The following CHRM3 variants were observed in gnomAD, a reference collection of about 807,000 sequenced individuals.
CHRM3 encodes the protein cholinergic receptor muscarinic 3.
CHRM3 carries 11 observed loss-of-function variants against 41.8 expected under a neutral mutation model. The observed-to-expected ratio is 0.26, with a 90% CI of 0.17 to 0.44. The LOEUF (loss-of-function observed/expected upper bound fraction) is 0.44, where lower values mean the gene tolerates loss of function less well. CHRM3 is among the 20% of genes least tolerant of loss of function. The pLI is 1.00. For synonymous variants in CHRM3, 297 were observed against 301.4 expected (o/e 0.99, Z 0.15); for missense variants, 571 against 745.4 (o/e 0.77, Z 2.72).
intron 1 of CHRM3, among the ~76,000 whole-genome samples, chr1:239,396,085 C>G (rs1042133772): frequency 2.0e-5 from 3 of 152,140 alleles, no homozygotes; most frequent in African/African-American, 7.2e-5. Flanking sequence ...TGTGCCACAT[C>G]ATCAGGGATC....
At chr1:239,887,288 A>C (rs1678154328) in intron 6 of CHRM3, among the ~76,000 whole-genome samples, 1 of 151,562 alleles carries the variant, frequency 6.6e-6, no homozygotes, top group Non-Finnish European at 1.5e-5. Context: ...TGCAACCTCC[A>C]CCTCCTGGGT....
At chr1:239,694,864 A>G (rs957675818) in intron 5 of CHRM3, among the ~76,000 whole-genome samples, 2 of 152,156 alleles carry the variant, frequency 1.3e-5, no homozygotes, top group Admixed American at 6.5e-5. Flanking sequence ...TACAGGCTAC[A>G]CTTTTATTTT....
intron 3 of CHRM3, among the ~76,000 whole-genome samples, chr1:239,572,269 AC>A (rs1661898184): frequency 6.6e-6 from 1 of 152,164 alleles, no homozygotes; most frequent in South Asian, 2.1e-4. Context: ...GAATCCTTGG[AC>A]CCCGTTGATA....
intron 5 of CHRM3, chr1:239,703,707 A>G (rs1660889918): frequency 6.6e-6 from 1 of 152,198 alleles, no homozygotes; most frequent in African/African-American, 2.4e-5. Context: ...TCTATTCAGA[A>G]TTGTTTACCT....
intron 6 of CHRM3, among the ~76,000 whole-genome samples, chr1:239,878,487 C>T (rs977590702): frequency 3.3e-5 from 5 of 152,084 alleles, no homozygotes; most frequent in Non-Finnish European, 7.4e-5. Flanking sequence ...GGCCCATACT[C>T]ATCTCCTAGT....
chr1:239,729,836 A>T (rs1221083443), intron 5 of CHRM3, among the ~76,000 whole-genome samples: 2 of 152,008 alleles, frequency 1.3e-5, no homozygotes, highest in African/African-American at 4.8e-5. Context: ...ATGGTTTTAG[A>T]TTCCACCTTG....
At chr1:239,513,417 G>C (rs1669055117) in intron 2 of CHRM3, among the ~76,000 whole-genome samples, 1 of 152,132 alleles carries the variant, frequency 6.6e-6, no homozygotes, top group South Asian at 2.1e-4. Flanking sequence ...CTTGCCATCT[G>C]TGTGTCTTCT....
intron 3 of CHRM3, chr1:239,606,127 A>G (rs1219354068): frequency 1.3e-5 from 2 of 152,230 alleles, no homozygotes; most frequent in African/African-American, 4.8e-5. Flanking sequence ...TTTGCAAAAA[A>G]TGTAAATCAT....
chr1:239,484,197 A>G (rs1386339351), intron 1 of CHRM3, among the ~76,000 whole-genome samples: 2 of 152,220 alleles, frequency 1.3e-5, no homozygotes, highest in Non-Finnish European at 2.9e-5. Context: ...TGGCACCACC[A>G]TCTGCTCAGC....
chr1:239,841,678 C>T (rs1158083816), intron 6 of CHRM3, among the ~76,000 whole-genome samples: 2 of 152,186 alleles, frequency 1.3e-5, no homozygotes, highest in Non-Finnish European at 2.9e-5. Flanking sequence ...AGACTTACCT[C>T]ATTTCCCACC....
intron 1 of CHRM3, among the ~76,000 whole-genome samples, chr1:239,473,782 C>CAGT (rs1479416425): frequency 2.6e-5 from 4 of 151,558 alleles, no homozygotes; most frequent in African/African-American, 4.8e-5. Context: ...TTCAGAGACA[C>CAGT]AATACGTTAT....
intron 1 of CHRM3, among the ~76,000 whole-genome samples, chr1:239,458,468 A>G (rs1030889440): frequency 2.6e-5 from 4 of 152,206 alleles, no homozygotes; most frequent in Non-Finnish European, 5.9e-5. Flanking sequence ...GATAAAAAGA[A>G]ATATATTGCT....
At chr1:239,533,802 C>G (rs1219069758) in intron 2 of CHRM3, among the ~76,000 whole-genome samples, 1 of 150,904 alleles carries the variant, frequency 6.6e-6, no homozygotes, top group African/African-American at 2.4e-5. Flanking sequence ...CTCACCATCA[C>G]GAGAACAGCA....
At chr1:239,647,636 A>T (rs1040005736) in intron 4 of CHRM3, among the ~76,000 whole-genome samples, 2 of 152,106 alleles carry the variant, frequency 1.3e-5, no homozygotes, top group African/African-American at 4.8e-5. Context: ...ATTTTCCCCT[A>T]GTCCACATCT....
At chr1:239,570,712 C>G (rs1233480951) in intron 3 of CHRM3, among the ~76,000 whole-genome samples, 1 of 151,804 alleles carries the variant, frequency 6.6e-6, no homozygotes, top group Non-Finnish European at 1.5e-5. Context: ...ACAGGATGGT[C>G]CCTTAAATTA....
At chr1:239,864,037 G>T (rs1416080427) in intron 6 of CHRM3, among the ~76,000 whole-genome samples, 1 of 151,440 alleles carries the variant, frequency 6.6e-6, no homozygotes, top group Non-Finnish European at 1.5e-5. Context: ...CTCCATAGGT[G>T]CTGAAAAGTA....
At chr1:239,611,980 G>T (rs1667128488) in intron 3 of CHRM3, among the ~76,000 whole-genome samples, 1 of 152,156 alleles carries the variant, frequency 6.6e-6, no homozygotes, top group South Asian at 2.1e-4. Context: ...TATGTACATA[G>T]ACTCATTCAT....
chr1:239,810,172 G>A (rs1204158758), intron 5 of CHRM3, among the ~76,000 whole-genome samples: 4 of 152,124 alleles, frequency 2.6e-5, no homozygotes, highest in African/African-American at 9.7e-5. Flanking sequence ...CTTCTTCCAC[G>A]CATCCTTTTG....
intron 1 of CHRM3, among the ~76,000 whole-genome samples, chr1:239,414,831 G>A (rs1661372812): frequency 6.6e-6 from 1 of 151,960 alleles, no homozygotes; most frequent in African/African-American, 2.4e-5. Flanking sequence ...ATAATTTATT[G>A]GTAAAAATAC....
Sources: gnomAD v4.1 joint callset for allele counts (sites outside exome capture counted in the v4.1 genomes callset) on GRCh38, gnomAD v4.1.1 for gene constraint, MANE v1.5 for transcripts, NCBI Gene and HGNC (gene_info 2026-07-23, HGNC 2026-07-21) for gene names.